TMEM255A: variants seen among roughly 807,000 people sequenced by gnomAD.
The protein encoded by TMEM255A is family with sequence similarity 70, member A.
Under a neutral mutation model 23.5 loss-of-function variants are expected in TMEM255A, and 14 were observed. That is an observed-to-expected ratio of 0.60 (90% confidence interval 0.39 to 0.93). TMEM255A has a LOEUF of 0.93. TMEM255A is among the 40% of genes least tolerant of loss of function. TMEM255A has a pLI of 0.00. For missense variants in TMEM255A, 233 were observed against 261.7 expected, an observed-to-expected ratio of 0.89 and a Z score of 0.76; for synonymous variants, 104 against 100.3, an observed-to-expected ratio of 1.04 and a Z score of -0.22.
rs2057660027 is a variant in TMEM255A, at chrX:120,259,335, A to T, written c.*1535T>A. 5 of 112,853 alleles carry T rather than the reference A, an allele frequency of 4.4e-5. No homozygotes were observed. Among genetic ancestry groups the T allele is most frequent in the Non-Finnish European group, 9.4e-5 (5 of 53,278 alleles). The allele number at this position is 112,853 out of a possible 1,213,427, so 9.3% of individuals were successfully genotyped here. A position where few individuals can be genotyped will look rare whatever the true frequency, so the allele number is the denominator to read the frequency against. ...CAAAATCTGGATAAGAACATTCATG[A>T]TGCTGAAAGTTAAACTGAATATCTT... is the stretch of plus-strand genomic sequence containing the variant. On this transcript the variant is annotated 3_prime_UTR_variant, in exon 9 of 9. Coordinates refer to ENST00000371369, the MANE Select transcript of TMEM255A (RefSeq NM_001104544.3).
At chrX:120,283,579 C>T (rs1556021237) in intron 6 of TMEM255A, among the ~76,000 whole-genome samples, 2 of 111,483 alleles carry the variant, frequency 1.8e-5, no homozygotes, top group South Asian at 3.8e-4. Flanking sequence ...CCTCAGTTCG[C>T]CTTCACTAAG....
chrX:120,291,487 G>A (rs2057915267), intron 3 of TMEM255A, 147 bp from the exon 4 acceptor site: 7 of 464,352 alleles, frequency 1.5e-5, no homozygotes, highest in Middle Eastern at 5.8e-4. Context: ...TGCAGGATGA[G>A]TGGAAGGGAG....
intron 5 of TMEM255A, chrX:120,285,680 G>GTTGAGGAAC: frequency 8.3e-7 from 1 of 1,211,104 alleles, no homozygotes. Flanking sequence ...AGAATTTTTG[G>GTTGAGGAAC]TTGAGGAACT....
At chrX:120,285,444 C>A (rs1291642511) in intron 5 of TMEM255A, among the ~76,000 whole-genome samples, 1 of 111,097 alleles carries the variant, frequency 9.0e-6, no homozygotes, top group Non-Finnish European at 1.9e-5. Context: ...CCCTCAGTGC[C>A]CCATCCCTGA....
At chrX:120,296,698 T>C (rs1280923412) in intron 2 of TMEM255A, among the ~76,000 whole-genome samples, 1 of 59,735 alleles carries the variant, frequency 1.7e-5, no homozygotes. Context: ...ATATATTAAA[T>C]ATATTTAGGT....
At chrX:120,280,688 A>G (rs1556020718) in intron 6 of TMEM255A, among the ~76,000 whole-genome samples, 1 of 111,291 alleles carries the variant, frequency 9.0e-6, no homozygotes, top group African/African-American at 3.3e-5. Context: ...TCACTTAATC[A>G]AAACCCTTCT....
At chrX:120,308,463 C>A (rs1287435655) in intron 1 of TMEM255A, among the ~76,000 whole-genome samples, 2 of 111,721 alleles carry the variant, frequency 1.8e-5, no homozygotes, top group Non-Finnish European at 3.8e-5. Context: ...TCTTTTGAAC[C>A]GATTAGGATT....
chrX:120,278,357 G>A (rs939220004), intron 6 of TMEM255A, among the ~76,000 whole-genome samples: 7 of 112,004 alleles, frequency 6.2e-5, no homozygotes, highest in African/African-American at 2.0e-4. Flanking sequence ...ATGGCAGCCC[G>A]AGCTAAGCAA....
chrX:120,306,868 C>A (rs188833164), intron 1 of TMEM255A, among the ~76,000 whole-genome samples: 1 of 111,989 alleles, frequency 8.9e-6, no homozygotes, highest in African/African-American at 3.3e-5. Context: ...ATTTGAAAAT[C>A]TTTTTTCCTG....
chrX:120,277,189 C>A (rs2057805305), intron 6 of TMEM255A, 142 bp from the exon 7 acceptor site: 1 of 453,948 alleles, frequency 2.2e-6, no homozygotes, highest in African/African-American at 2.5e-5. Context: ...TAAGAGACAT[C>A]ATAGCCATGT....
intron 7 of TMEM255A, among the ~76,000 whole-genome samples, chrX:120,275,149 T>A (rs1409033966): frequency 8.9e-6 from 1 of 112,293 alleles, no homozygotes; most frequent in African/African-American, 3.2e-5. Flanking sequence ...ACCTAAAAGC[T>A]TCCTCAAGGC....
At chrX:120,292,761 A>G (rs1328196071) in intron 3 of TMEM255A, among the ~76,000 whole-genome samples, 2 of 101,830 alleles carry the variant, frequency 2.0e-5, no homozygotes, top group African/African-American at 3.8e-5. Context: ...CTCCATCTCG[A>G]AAAAAAAAAA....
At chrX:120,287,297 A>G in intron 4 of TMEM255A, 75 bp from the exon 5 acceptor site, 3 of 802,000 alleles carry the variant, frequency 3.7e-6, no homozygotes, top group Non-Finnish European at 1.9e-6. Flanking sequence ...CTTGGTAATA[A>G]AAGGTTTGAA....
chrX:120,308,741 G>A (rs1338013184), intron 1 of TMEM255A, among the ~76,000 whole-genome samples: 2 of 111,949 alleles, frequency 1.8e-5, no homozygotes, highest in Non-Finnish European at 3.8e-5. Context: ...GCCTGGGGGC[G>A]GTGTTGCCAA....
intron 7 of TMEM255A, 71 bp from the exon 8 acceptor site, chrX:120,268,458 C>T (rs782672689): frequency 5.6e-5 from 47 of 838,493 alleles, no homozygotes; most frequent in Non-Finnish European, 7.1e-5. Context: ...AAACTTAGTA[C>T]ATCTATACTA....
intron 2 of TMEM255A, among the ~76,000 whole-genome samples, chrX:120,296,380 C>CTCTATTCTAT (rs5903573): frequency 0.17 from 12,911 of 73,947 alleles, 1,243 homozygotes; most frequent in Admixed American, 0.22. Context: ...TCCCCTTCTC[C>CTCTATTCTAT]TCTATTCTAT....
At chrX:120,307,035 A>T (rs2147222982) in intron 1 of TMEM255A, among the ~76,000 whole-genome samples, 1 of 112,040 alleles carries the variant, frequency 8.9e-6, no homozygotes, top group South Asian at 3.7e-4. Context: ...CTGTCCCCTC[A>T]CGAGCGTCCT....
intron 6 of TMEM255A, among the ~76,000 whole-genome samples, chrX:120,278,656 G>A (rs1213574639): frequency 1.8e-5 from 2 of 112,045 alleles, no homozygotes; most frequent in African/African-American, 6.5e-5. Context: ...ACAACGAAAC[G>A]CCCTGGCATT....
chrX:120,267,531 T>G (rs2147181516), intron 8 of TMEM255A, among the ~76,000 whole-genome samples: 1 of 112,555 alleles, frequency 8.9e-6, no homozygotes, highest in South Asian at 3.7e-4. Context: ...CCATTTCACT[T>G]GTTTGCCCAA....
Sources: gnomAD v4.1 joint callset for allele counts (sites outside exome capture counted in the v4.1 genomes callset) on GRCh38, gnomAD v4.1.1 for gene constraint, MANE v1.5 for transcripts, NCBI Gene and HGNC (gene_info 2026-07-23, HGNC 2026-07-21) for gene names.